Variants in POU6F2 observed in about 807,000 individuals in gnomAD.
The protein encoded by POU6F2 is POU class 6 homeobox 2, also known as POU domain, class 6, transcription factor 2.
In POU6F2, 31 loss-of-function variants were observed where a neutral mutation model predicts 71.3. That is an observed-to-expected ratio of 0.43 (90% CI 0.33 to 0.59). The LOEUF (loss-of-function observed/expected upper bound fraction) is 0.59, where lower values mean the gene tolerates loss of function less well. POU6F2 is among the 20% of genes least tolerant of loss of function. The pLI is 0.04. For missense variants in POU6F2, 783 were observed against 856.8 expected (o/e 0.91, Z 1.07); for synonymous variants, 347 against 355.7 (o/e 0.98, Z 0.27).
At chr7:39,106,346 AAACACCCAC>A (rs201719872) in intron 2 of POU6F2, among the ~76,000 whole-genome samples, 3,264 of 152,288 alleles carry the variant, frequency 0.021, 50 homozygotes, top group Middle Eastern at 0.044. Flanking sequence ...AATAAATTTC[AAACACCCAC>A]AACATCCCCT....
intron 5 of POU6F2, among the ~76,000 whole-genome samples, chr7:39,390,143 CCCAGCA>C (rs1400057964): frequency 4.2e-4 from 64 of 152,298 alleles, no homozygotes; most frequent in African/African-American, 1.5e-3. Context: ...CTCCTGGAAT[CCCAGCA>C]CTTTGGGAGG....
At chr7:39,270,816 C>T (rs113323967) in intron 4 of POU6F2, among the ~76,000 whole-genome samples, 1 of 152,284 alleles carries the variant, frequency 6.6e-6, no homozygotes, top group African/African-American at 2.4e-5. Flanking sequence ...AATCAAACCA[C>T]CAATATTCTG....
intron 5 of POU6F2, among the ~76,000 whole-genome samples, chr7:39,370,244 C>T (rs532314636): frequency 6.6e-6 from 1 of 152,252 alleles, no homozygotes; most frequent in Admixed American, 6.5e-5. Flanking sequence ...CTAAGTGCAA[C>T]TTCCTGATGA....
intron 7 of POU6F2, among the ~76,000 whole-genome samples, chr7:39,447,388 G>A (rs372586773): frequency 1.3e-5 from 2 of 152,234 alleles, no homozygotes; most frequent in African/African-American, 2.4e-5. Context: ...GCTCATCTCC[G>A]ATGATCGTGG....
intron 4 of POU6F2, among the ~76,000 whole-genome samples, chr7:39,234,429 C>T (rs1235625122): frequency 6.6e-6 from 1 of 152,026 alleles, no homozygotes; most frequent in Non-Finnish European, 1.5e-5. Context: ...GCTCTTAAGC[C>T]TTAGACTCTA....
chr7:39,138,862 C>G (rs1792439133), intron 2 of POU6F2, among the ~76,000 whole-genome samples: 1 of 152,116 alleles, frequency 6.6e-6, no homozygotes, highest in African/African-American at 2.4e-5. Flanking sequence ...TCATCTTTCC[C>G]TTTCACGTCA....
At chr7:39,372,373 GT>G (rs1786631885) in intron 5 of POU6F2, among the ~76,000 whole-genome samples, 1 of 152,206 alleles carries the variant, frequency 6.6e-6, no homozygotes, top group Admixed American at 6.5e-5. Flanking sequence ...ACATGTATTA[GT>G]CAGTGTTCTC....
At chr7:39,240,792 G>A (rs77257962) in intron 4 of POU6F2, among the ~76,000 whole-genome samples, 1,686 of 152,232 alleles carry the variant, frequency 0.011, 15 homozygotes, top group Non-Finnish European at 0.017. Flanking sequence ...GTTATTTAAT[G>A]ACTCTTGCGA....
rs141540275 is a variant in POU6F2 at position 39,014,894 on chromosome 7, C to A, written c.105+36836C>A. Among the ~76,000 whole-genome samples, 525 of 152,132 alleles carry A rather than the reference C, an allele frequency of 3.5e-3. 7 individuals are homozygous for A. Among genetic ancestry groups the A allele is most frequent in the South Asian group, 0.034 (166 of 4,814 alleles). ...TAGTTTCCTTTTGGCAAAAGTGGAA[C>A]CGTTTCCATGAAGCTGTGCCTTCCT... On this transcript the variant is annotated intron_variant, in intron 1 of 9. Transcript: ENST00000518318.
chr7:39,444,551 T>A (rs3819414), intron 7 of POU6F2, among the ~76,000 whole-genome samples: 43 of 152,078 alleles, frequency 2.8e-4, no homozygotes, highest in African/African-American at 9.4e-4. Context: ...ACCACTGCAC[T>A]CCAGCTTGGG....
intron 1 of POU6F2, among the ~76,000 whole-genome samples, chr7:39,023,182 A>G (rs1309084128): frequency 6.6e-6 from 1 of 152,028 alleles, no homozygotes. Context: ...TAGTTTTAAG[A>G]TTAGTTTTTT....
At chr7:38,998,298 C>G (rs1253873128) in intron 1 of POU6F2, among the ~76,000 whole-genome samples, 1 of 152,160 alleles carries the variant, frequency 6.6e-6, no homozygotes, top group East Asian at 1.9e-4. Flanking sequence ...AGGGAATCTT[C>G]TCCCATGTTC....
chr7:39,318,695 A>G (rs532182416), intron 4 of POU6F2, among the ~76,000 whole-genome samples: 1 of 152,290 alleles, frequency 6.6e-6, no homozygotes, highest in East Asian at 1.9e-4. Context: ...TGTTCAACTC[A>G]CTGTGGCCTT....
intron 1 of POU6F2, among the ~76,000 whole-genome samples, chr7:39,048,995 G>A (rs149173695): frequency 6.6e-6 from 1 of 151,924 alleles, no homozygotes; most frequent in Non-Finnish European, 1.5e-5. Context: ...TGGGGAAAAA[G>A]TTGTTAATGT....
intron 2 of POU6F2, among the ~76,000 whole-genome samples, chr7:39,114,540 T>G (rs1791889895): frequency 1.3e-5 from 2 of 152,184 alleles, no homozygotes; most frequent in African/African-American, 4.8e-5. Flanking sequence ...AACAATATCA[T>G]TCACATGGAA....
chr7:39,029,602 A>G (rs1006911947), intron 1 of POU6F2, among the ~76,000 whole-genome samples: 2 of 151,998 alleles, frequency 1.3e-5, no homozygotes, highest in African/African-American at 4.8e-5. Flanking sequence ...TACCCGTGTA[A>G]CAAAATTATA....
chr7:39,423,070 G>A (rs774468639), intron 6 of POU6F2, among the ~76,000 whole-genome samples: 2 of 152,188 alleles, frequency 1.3e-5, no homozygotes, highest in Admixed American at 6.5e-5. Flanking sequence ...ATATTTCAAT[G>A]AAGGGTTAAC....
chr7:39,373,660 C>T, intron 5 of POU6F2: 2 of 368,670 alleles, frequency 5.4e-6, no homozygotes, highest in South Asian at 4.2e-5. Context: ...AACTGGTCTC[C>T]TTATTGAATA....
At chr7:39,260,509 ACAC>A (rs201432369) in intron 4 of POU6F2, among the ~76,000 whole-genome samples, 72,725 of 149,612 alleles carry the variant, frequency 0.49, 17,941 homozygotes, top group Admixed American at 0.62. Context: ...TGCTTCACAC[ACAC>A]CACACCACAT....
Sources: gnomAD v4.1 joint callset for allele counts (sites outside exome capture counted in the v4.1 genomes callset) on GRCh38, gnomAD v4.1.1 for gene constraint, MANE v1.5 for transcripts, NCBI Gene and HGNC (gene_info 2026-07-23, HGNC 2026-07-21) for gene names.